Variants in INPP5A observed in about 807,000 individuals in gnomAD.
INPP5A encodes the protein inositol polyphosphate-5-phosphatase A.
Under a neutral mutation model 65.2 loss-of-function variants are expected in INPP5A, and 14 were observed. The observed-to-expected ratio is 0.21, with a 90% confidence interval of 0.14 to 0.34. The LOEUF (loss-of-function observed/expected upper bound fraction) is 0.34. Ranked by LOEUF, INPP5A falls within the 10% of genes least tolerant of loss-of-function variation. The pLI is 1.00. For missense variants in INPP5A, 431 were observed against 545.6 expected, an observed-to-expected ratio of 0.79 and a Z score of 2.09; for synonymous variants, 207 against 208.3, an observed-to-expected ratio of 0.99 and a Z score of 0.05.
intron 2 of INPP5A, among the ~76,000 whole-genome samples, chr10:132,635,384 A>T (rs2133378561): frequency 1.8e-5 from 1 of 55,450 alleles, no homozygotes; most frequent in Non-Finnish European, 3.5e-5. Flanking sequence ...GCCTTTTTAA[A>T]GATTTTTTTT....
chr10:132,713,213 G>C (rs986991027), intron 8 of INPP5A, among the ~76,000 whole-genome samples: 2 of 151,330 alleles, frequency 1.3e-5, no homozygotes, highest in African/African-American at 4.9e-5. Flanking sequence ...TGTAGGTATG[G>C]GTGTGCACAC....
At chr10:132,775,278 T>TATCAC (rs1776282797) in intron 12 of INPP5A, among the ~76,000 whole-genome samples, 1 of 151,718 alleles carries the variant, frequency 6.6e-6, no homozygotes, top group South Asian at 2.1e-4. Context: ...TTGTTCGCCC[T>TATCAC]ATCACAGCCG....
intron 1 of INPP5A, among the ~76,000 whole-genome samples, chr10:132,564,519 C>T (rs2071249382): frequency 6.6e-6 from 1 of 152,160 alleles, no homozygotes; most frequent in South Asian, 2.1e-4. Flanking sequence ...GCCCAGGGCT[C>T]AGCTCACTGT....
At chr10:132,758,055 G>A (rs1305405719) in intron 11 of INPP5A, among the ~76,000 whole-genome samples, 3 of 137,176 alleles carry the variant, frequency 2.2e-5, no homozygotes. Context: ...GACCCCACAG[G>A]CCAGTGTGAT....
chr10:132,579,971 A>G (rs1174517202), intron 1 of INPP5A, among the ~76,000 whole-genome samples: 3 of 138,438 alleles, frequency 2.2e-5, no homozygotes, highest in Non-Finnish European at 1.5e-5. Flanking sequence ...AGGCTGGTCC[A>G]CTCCCGATAC....
rs1354679602 is a variant in INPP5A, at chr10:132,780,856, G to A, written c.1097G>A (p.Ser366Asn). The A allele has an allele frequency of 6.8e-6, 11 of 1,613,260 alleles. No individual in the cohort carries two copies. The highest frequency in any genetic ancestry group is 1.6e-4 in the Middle Eastern group (1 of 6,082). ...SAKELVLRSE[S>N]EEKVVTYDHI... ...TCTGTTTCCCCTTTCCAGTCGGAGA[G>A]CGAGGAGAAGGTTGTCACCTATGAC... Residue 366 changes from serine to asparagine, a missense_variant, in exon 14 of 16, where the codon AGC becomes AAC. Transcript: ENST00000368594.
intron 11 of INPP5A, among the ~76,000 whole-genome samples, chr10:132,754,129 AG>A (rs1846546529): frequency 6.6e-6 from 1 of 152,156 alleles, no homozygotes; most frequent in Non-Finnish European, 1.5e-5. Flanking sequence ...GTGGCTGAGC[AG>A]GGACATGCCA....
intron 8 of INPP5A, among the ~76,000 whole-genome samples, chr10:132,714,667 A>G (rs1226507429): frequency 3.3e-5 from 5 of 152,124 alleles, no homozygotes; most frequent in Non-Finnish European, 7.4e-5. Context: ...GAGGCACCGT[A>G]GGACCTTCGC....
chr10:132,639,631 G>T (rs1400355627), intron 2 of INPP5A, among the ~76,000 whole-genome samples: 3 of 152,158 alleles, frequency 2.0e-5, no homozygotes, highest in Non-Finnish European at 4.4e-5. Flanking sequence ...CACTAAATTT[G>T]GGGACATTTT....
At chr10:132,743,812 A>G (rs971108208) in intron 9 of INPP5A, among the ~76,000 whole-genome samples, 2 of 152,108 alleles carry the variant, frequency 1.3e-5, no homozygotes, top group Non-Finnish European at 2.9e-5. Flanking sequence ...TGGGGTGCAC[A>G]CGTGTGCTGA....
chr10:132,598,367 A>G (rs2071734476), intron 1 of INPP5A, among the ~76,000 whole-genome samples: 1 of 152,154 alleles, frequency 6.6e-6, no homozygotes, highest in Non-Finnish European at 1.5e-5. Context: ...AATCTTGTAA[A>G]ACTGCAGCTC....
chr10:132,779,712 G>A (rs573098886), intron 13 of INPP5A, among the ~76,000 whole-genome samples: 3 of 152,358 alleles, frequency 2.0e-5, no homozygotes, highest in Admixed American at 6.5e-5. Flanking sequence ...AGTGGGCAGC[G>A]GGTGTGCAGG....
At position 132,710,462 on chromosome 10, in the gene INPP5A, T is replaced by TGTGGGCGGGCAGGTAGGC; in HGVS notation, c.647+13_647+30dup. The TGTGGGCGGGCAGGTAGGC allele has an allele frequency of 6.2e-7, 1 of 1,612,522 alleles. No homozygotes were observed. ...CTGGGCTACGTGCTGGACAGGTAGG[T>TGTGGGCGGGCAGGTAGGC]GTGGGCGGGCAGGTAGGCGTGGGCC... On this transcript the variant is annotated splice_region_variant and intron_variant, in intron 8 of 15. Coordinates refer to ENST00000368594, the MANE Select transcript of INPP5A (RefSeq NM_005539.5).
rs1846756518 is a variant in INPP5A, at chr10:132,762,728, C to T, written c.904-3045C>T. On this transcript the variant is annotated intron_variant, in intron 11 of 15. Coordinates refer to ENST00000368594, the MANE Select transcript of INPP5A (RefSeq NM_005539.5). The surrounding 1 kb of genome is among the most constrained non-coding windows in gnomAD (Gnocchi z 4.6). ...CGGTAATATAGAAACATACTTGGGGCTGGGCACGGTAGAACACTTGGGGAG... is the reference window on the plus strand; with the variant it reads ...CGGTAATATAGAAACATACTTGGGGTTGGGCACGGTAGAACACTTGGGGAG... 6.6e-6 allele frequency among the ~76,000 whole-genome samples: 1 copy of T among 152,136 alleles called. No homozygotes were observed. Among genetic ancestry groups the T allele is most frequent in the African/African-American group, 2.4e-5 (1 of 41,432 alleles).
intron 1 of INPP5A, among the ~76,000 whole-genome samples, chr10:132,601,907 T>C (rs984593378): frequency 2.0e-5 from 3 of 152,208 alleles, no homozygotes; most frequent in African/African-American, 7.2e-5. Flanking sequence ...AATTGTGAGG[T>C]TTCCAATTTG....
intron 1 of INPP5A, among the ~76,000 whole-genome samples, chr10:132,556,741 G>A (rs1283416599): frequency 1.3e-5 from 2 of 151,930 alleles, no homozygotes; most frequent in African/African-American, 4.8e-5. Context: ...AATTTAATTT[G>A]CATTGCCTTG....
At chr10:132,761,390 C>A (rs759487346) in intron 11 of INPP5A, among the ~76,000 whole-genome samples, 1 of 152,222 alleles carries the variant, frequency 6.6e-6, no homozygotes, top group Non-Finnish European at 1.5e-5. Context: ...CTGAGCCAGG[C>A]CCTGCTCTGG....
chr10:132,579,213 G>A (rs531395065), intron 1 of INPP5A, among the ~76,000 whole-genome samples: 3 of 151,754 alleles, frequency 2.0e-5, no homozygotes, highest in African/African-American at 7.3e-5. Context: ...GAGAGTGTGG[G>A]GGGAGGTGGA....
At position 132,547,514 on chromosome 10, in the gene INPP5A, C is replaced by T. The variant is rs749191973; in HGVS notation, c.75+9343C>T. 3.3e-5 allele frequency among the ~76,000 whole-genome samples: 5 copies of T among 152,162 alleles called. No individual in the cohort carries two copies. Among genetic ancestry groups the T allele is most frequent in the Non-Finnish European group, 7.4e-5 (5 of 68,022 alleles). ...GGTGAATATAACCGGGAGGGAGTGC[C>T]CGCCTCTGCCCACCTGCCTGGCATC... On this transcript the variant is annotated intron_variant, in intron 1 of 15. Coordinates refer to ENST00000368594, the MANE Select transcript of INPP5A (RefSeq NM_005539.5). The surrounding 1 kb of genome is among the most constrained non-coding windows in gnomAD (Gnocchi z 5.5).
Sources: allele counts gnomAD v4.1 joint callset (sites outside exome capture counted in the v4.1 genomes callset), GRCh38; gene constraint gnomAD v4.1.1; non-coding constraint Gnocchi (gnomAD v3.1); transcripts MANE v1.5; gene names NCBI Gene and HGNC (gene_info 2026-07-23, HGNC 2026-07-21).